Variants in NSA2 observed in about 807,000 individuals in gnomAD.
NSA2 encodes ribosome biogenesis protein NSA2 homolog.
NSA2 carries 18 observed loss-of-function variants against 34.8 expected under a neutral mutation model. That is an observed-to-expected ratio of 0.52 (90% CI 0.36 to 0.77). The LOEUF is 0.77. NSA2 is among the 30% of genes least tolerant of loss of function. The pLI is 0.00. For synonymous variants in NSA2, 79 were observed against 100.2 expected (o/e 0.79, Z 1.26); for missense variants, 188 against 314.7 (o/e 0.60, Z 3.05).
chr5:74,777,312 C>A lies in NSA2; in HGVS notation c.*641C>A, dbSNP rs1199888120. ...AAAAAAATATACTAAAGTCTTTGTA[C>A]TCTCTTAGCATTTTCTGTATTCTAA... On this transcript the variant is annotated 3_prime_UTR_variant, in exon 6 of 6. Transcript: ENST00000610426. 2 of 151,178 alleles carry A rather than the reference C, an allele frequency of 1.3e-5. No homozygotes were observed. Among genetic ancestry groups the A allele is most frequent in the East Asian group, 3.8e-4 (2 of 5,202 alleles). 9.4% of individuals were successfully genotyped at this position (151,178 alleles called of 1,614,324 possible). A position where few individuals can be genotyped will look rare whatever the true frequency, so the allele number is the denominator to read the frequency against.
At chr5:74,768,639 AAG>A (rs1431940843) in intron 1 of NSA2, among the ~76,000 whole-genome samples, 2 of 152,258 alleles carry the variant, frequency 1.3e-5, no homozygotes, top group Non-Finnish European at 2.9e-5. Flanking sequence ...GTTATTAAAA[AAG>A]CAAATTATGT....
chr5:74,771,715 ATGG>A (rs1215673307), intron 4 of NSA2: 1 of 150,264 alleles, frequency 6.7e-6, no homozygotes, highest in African/African-American at 2.5e-5. Context: ...TTAGCCGGGC[ATGG>A]TGGCGGGCGC....
At position 74,779,011 on chromosome 5, in the gene NSA2, TC is replaced by T. The variant is rs1745270747; in HGVS notation, c.*2342del. On this transcript the variant is annotated 3_prime_UTR_variant, in exon 6 of 6. Coordinates refer to ENST00000610426, the MANE Select transcript of NSA2 (RefSeq NM_014886.6). ...TTACTGAACATGAGAGTTAGGTTTTTCCAAGTGATCTAACTTTTCCCTCTAT... is the reference window on the plus strand; with the variant it reads ...TTACTGAACATGAGAGTTAGGTTTTTCAAGTGATCTAACTTTTCCCTCTAT... 6.6e-6 allele frequency: 1 copy of T among 152,124 alleles called. No homozygotes were observed. Among genetic ancestry groups the T allele is most frequent in the African/African-American group, 2.4e-5 (1 of 41,454 alleles). The allele number at this position is 152,124 out of a possible 1,614,324, so 9.4% of individuals were successfully genotyped here. A position where few individuals can be genotyped will look rare whatever the true frequency, so the allele number is the denominator to read the frequency against.
intron 5 of NSA2, among the ~76,000 whole-genome samples, chr5:74,774,934 C>T (rs1745062999): frequency 6.6e-6 from 1 of 152,058 alleles, no homozygotes. Flanking sequence ...ATCATTGAAA[C>T]TGCCAGGAGC....
rs536760760 is a variant in NSA2, at chr5:74,770,698, G to A, written c.410G>A (p.Arg137Gln). The A allele has an allele frequency of 6.7e-5, 108 of 1,613,100 alleles. No individual in the cohort carries two copies. The South Asian group carries it at 6.8e-4, about 10-fold the overall frequency. The change falls in exon 4 of 6, where the codon CGA becomes CAA. Residue 137 changes from arginine (R) to glutamine (Q), a missense_variant. Transcript: ENST00000610426. ...QGETEVLKVI[R>Q]TGKRKKKAWK... ...GAAACAGAAGTATTAAAAGTTATTCGAACAGGAAAGAGAAAGAAGAAGGCA... is the reference window on the plus strand; with the variant it reads ...GAAACAGAAGTATTAAAAGTTATTCAAACAGGAAAGAGAAAGAAGAAGGCA...
chr5:74,773,275 A>AG (rs1745003780), intron 4 of NSA2, among the ~76,000 whole-genome samples: 2 of 152,102 alleles, frequency 1.3e-5, no homozygotes, highest in South Asian at 4.2e-4. Context: ...TAGTAAGTCT[A>AG]AGTGTAGATG....
chr5:74,770,432 A>G (rs1457927045), intron 3 of NSA2, among the ~76,000 whole-genome samples, 199 bp from the exon 4 acceptor site: 1 of 151,972 alleles, frequency 6.6e-6, no homozygotes, highest in East Asian at 1.9e-4. Flanking sequence ...TATTTAACAT[A>G]CCCATGATAT....
intron 1 of NSA2, among the ~76,000 whole-genome samples, chr5:74,768,088 A>C (rs1239837648): frequency 6.6e-6 from 1 of 152,208 alleles, no homozygotes; most frequent in Admixed American, 6.5e-5. Flanking sequence ...CATCCCATAC[A>C]TTGCTGGTGA....
At chr5:74,771,853 CAAAAAAAAAAAAAAAAG>C (rs1401807920) in intron 4 of NSA2, among the ~76,000 whole-genome samples, 1 of 76,538 alleles carries the variant, frequency 1.3e-5, no homozygotes, top group South Asian at 4.8e-4. Flanking sequence ...GATTCTGTCT[CAAAAAAAAAAAAAAAAG>C]AAAAAAAGAA....
In NSA2 at chr5:74,778,453, TGTAG is replaced by T. The variant is rs1234073337; in HGVS notation, c.*1787_*1790del. 1 of 151,958 alleles carries T rather than the reference TGTAG, an allele frequency of 6.6e-6. No homozygotes were observed. The highest frequency in any genetic ancestry group is 1.5e-5 in the Non-Finnish European group (1 of 67,886). 9.4% of individuals were successfully genotyped at this position (151,958 alleles called of 1,614,324 possible). The stretch of plus-strand genomic sequence containing the variant: ...AGATTTCTAGTCACTGAAACCCCAT[TGTAG>T]GTAGTGTTCTGGAGTCTGCTATAAG... On this transcript the variant is annotated 3_prime_UTR_variant, in exon 6 of 6. Coordinates refer to ENST00000610426, the MANE Select transcript of NSA2 (RefSeq NM_014886.6).
intron 5 of NSA2, among the ~76,000 whole-genome samples, chr5:74,775,235 T>C (rs1745072426): frequency 6.6e-6 from 1 of 151,214 alleles, no homozygotes; most frequent in Non-Finnish European, 1.5e-5. Flanking sequence ...TAATAATAAT[T>C]GAAAGTGATT....
chr5:74,767,475 G>C, intron 1 of NSA2, 112 bp downstream of exon 1: 1 of 1,342,330 alleles, frequency 7.4e-7, no homozygotes, highest in Non-Finnish European at 1.1e-6. Flanking sequence ...AATGAGAACT[G>C]CCAAGAGAAA....
chr5:74,776,712 T>TGAA lies in NSA2; in HGVS notation c.*45_*47dup, dbSNP rs1745142142. The TGAA allele has an allele frequency of 2.1e-6, 2 of 962,074 alleles. No homozygotes were observed. The highest frequency in any genetic ancestry group is 3.2e-5 in the African/African-American group (2 of 62,398). The allele number at this position is 962,074 out of a possible 1,614,324, so 59.6% of individuals were successfully genotyped here. A position where few individuals can be genotyped will look rare whatever the true frequency, so the allele number is the denominator to read the frequency against. ...TAATTATTGAGGACTACACACCAAT[T>TGAA]GAAGAAACTGCCATTACTGTGATGT... is the stretch of plus-strand genomic sequence containing the variant. On this transcript the variant is annotated 3_prime_UTR_variant, in exon 6 of 6. Coordinates refer to ENST00000610426, the MANE Select transcript of NSA2 (RefSeq NM_014886.6).
In NSA2 at chr5:74,773,891, T is replaced by G. The variant is rs746246024; in HGVS notation, c.546T>G (p.His182Gln). 78 of 1,613,222 alleles carry G rather than the reference T, an allele frequency of 4.8e-5. No individual in the cohort carries two copies. The highest frequency in any genetic ancestry group is 6.6e-5 in the Non-Finnish European group (78 of 1,179,598). Residue 182 changes from histidine (H) to glutamine (Q), a missense_variant, in exon 5 of 6, where the codon CAT becomes CAG. By Grantham distance (24) the His-to-Gln change is conservative. Coordinates refer to ENST00000610426, the MANE Select transcript of NSA2 (RefSeq NM_014886.6). ...AGGGCTTGCGTTTCAAGAAAGCCCA[T>G]GTAACACATCCTGAACTGAAAGCCA... ...RPMGLRFKKA[H>Q]VTHPELKATF...
At chr5:74,774,544 C>G (rs963605198) in intron 5 of NSA2, among the ~76,000 whole-genome samples, 1 of 152,122 alleles carries the variant, frequency 6.6e-6, no homozygotes, top group African/African-American at 2.4e-5. Flanking sequence ...GCGGAGCTTG[C>G]AGTGAGCTGA....
At chr5:74,771,571 G>T (rs2112416967) in intron 4 of NSA2, 1 of 151,824 alleles carries the variant, frequency 6.6e-6, no homozygotes, top group South Asian at 2.1e-4. Context: ...TGAAAAGCCG[G>T]GCGCGGTGGC....
At chr5:74,773,813 C>T in intron 4 of NSA2, 55 bp from the exon 5 acceptor site, 3 of 1,409,802 alleles carry the variant, frequency 2.1e-6, no homozygotes, top group African/African-American at 1.4e-5. Context: ...GACCACTACT[C>T]ATCACTGTTA....
At chr5:74,776,554 T>A in intron 5 of NSA2, 50 bp from the exon 6 acceptor site, 1 of 911,438 alleles carries the variant, frequency 1.1e-6, no homozygotes. Flanking sequence ...AATTAATTTT[T>A]ATTAGCTAAC....
At chr5:74,767,488 G>T in intron 1 of NSA2, 125 bp downstream of exon 1, 1 of 1,184,732 alleles carries the variant, frequency 8.4e-7, no homozygotes, top group Non-Finnish European at 1.2e-6. Context: ...AAGAGAAAAG[G>T]ATGGTAGACC....
Sources: allele counts gnomAD v4.1 joint callset (sites outside exome capture counted in the v4.1 genomes callset), GRCh38; gene constraint gnomAD v4.1.1; transcripts MANE v1.5; gene names NCBI Gene and HGNC (gene_info 2026-07-23, HGNC 2026-07-21).